The following TRAK1 variants were observed in gnomAD, a reference collection of about 807,000 sequenced individuals.
TRAK1 encodes the protein trafficking kinesin-binding protein 1.
Under a neutral mutation model 92.1 loss-of-function variants are expected in TRAK1, and 33 were observed. The observed-to-expected ratio is 0.36, with a 90% CI of 0.27 to 0.48. The LOEUF is 0.48. Ranked by LOEUF, TRAK1 falls within the 20% of genes least tolerant of loss-of-function variation. TRAK1 has a pLI of 0.99. For synonymous variants in TRAK1, 521 were observed against 517.3 expected, an observed-to-expected ratio of 1.01 and a Z score of -0.10; for missense variants, 1,123 against 1,257.9, an observed-to-expected ratio of 0.89 and a Z score of 1.62.
At chr3:42,180,148 CA>C (rs1703797320) in intron 3 of TRAK1, among the ~76,000 whole-genome samples, 1 of 152,068 alleles carries the variant, frequency 6.6e-6, no homozygotes, top group African/African-American at 2.4e-5. Flanking sequence ...CTTGTTGCCT[CA>C]GTAAAATTAA....
intron 1 of TRAK1, among the ~76,000 whole-genome samples, chr3:42,052,806 G>C (rs1343610522): frequency 6.6e-6 from 1 of 152,154 alleles, no homozygotes; most frequent in Non-Finnish European, 1.5e-5. Context: ...AGAGTCCCGT[G>C]ACACCACAGT....
intron 1 of TRAK1, among the ~76,000 whole-genome samples, chr3:42,068,645 C>G (rs1400343829): frequency 1.3e-5 from 2 of 152,134 alleles, no homozygotes; most frequent in Non-Finnish European, 2.9e-5. Flanking sequence ...TAATTCGTCT[C>G]TACTTGAAAT....
chr3:42,142,686 A>G (rs755392120), intron 2 of TRAK1, among the ~76,000 whole-genome samples: 1 of 152,240 alleles, frequency 6.6e-6, no homozygotes, highest in Admixed American at 6.5e-5. Flanking sequence ...GCTGCTTCCT[A>G]AAATGGATTA....
At chr3:42,078,535 T>C (rs1286255491) in intron 1 of TRAK1, among the ~76,000 whole-genome samples, 6 of 151,798 alleles carry the variant, frequency 4.0e-5, no homozygotes, top group Admixed American at 3.9e-4. Flanking sequence ...AGGCGGATCA[T>C]GAGGTCAGGA....
intron 13 of TRAK1, chr3:42,203,163 G>A: frequency 1.7e-6 from 2 of 1,191,892 alleles, no homozygotes; most frequent in Non-Finnish European, 2.1e-6. Context: ...CAGTTTTGGT[G>A]TCGGGGAGAG....
rs1180507036 is a variant in TRAK1, at chr3:42,202,826, G to A, written c.1744+74G>A. 6.3e-7 allele frequency: 1 copy of A among 1,588,556 alleles called. No homozygotes were observed. The highest frequency in any genetic ancestry group is 8.6e-7 in the Non-Finnish European group (1 of 1,164,042). ...TTTGGTCCCTGATCCACCTGCGGAAGGCGGGGCACCTCTGTCACGCCTACT... is the reference window on the plus strand; with the variant it reads ...TTTGGTCCCTGATCCACCTGCGGAAAGCGGGGCACCTCTGTCACGCCTACT... On this transcript the variant is annotated intron_variant, in intron 13 of 15. Coordinates refer to ENST00000327628, the MANE Select transcript of TRAK1 (RefSeq NM_001042646.3). This position sits in a 1 kb window ranked among gnomAD's most constrained non-coding sequence, Gnocchi z 6.1.
chr3:42,081,465 C>T (rs750244480), intron 1 of TRAK1, among the ~76,000 whole-genome samples: 1 of 152,036 alleles, frequency 6.6e-6, no homozygotes, highest in Non-Finnish European at 1.5e-5. Flanking sequence ...ATTTATTCTA[C>T]AGACATTTAC....
chr3:42,101,442 T>C (rs1220302047), intron 1 of TRAK1, among the ~76,000 whole-genome samples: 2 of 152,214 alleles, frequency 1.3e-5, no homozygotes, highest in Admixed American at 1.3e-4. Flanking sequence ...CCGAGGTACA[T>C]TAGTTGCTTT....
chr3:42,090,200 GAGA>G (rs1225618605), upstream of TRAK1, among the ~76,000 whole-genome samples: 1 of 152,232 alleles, frequency 6.6e-6, no homozygotes, highest in African/African-American at 2.4e-5. Flanking sequence ...GAAAGGACAG[GAGA>G]AGACCACGAG....
At chr3:42,102,543 G>A (rs1486720284) in intron 1 of TRAK1, among the ~76,000 whole-genome samples, 1 of 152,208 alleles carries the variant, frequency 6.6e-6, no homozygotes, top group African/African-American at 2.4e-5. Context: ...CCAGGGAGAA[G>A]TAGGCACACG....
intron 2 of TRAK1, among the ~76,000 whole-genome samples, chr3:42,132,244 G>GT (rs113813133): frequency 0.011 from 1,526 of 138,492 alleles, 28 homozygotes; most frequent in African/African-American, 0.035. Context: ...TATGTTTTTT[G>GT]TTTTTTTTTT....
intron 2 of TRAK1, among the ~76,000 whole-genome samples, chr3:42,162,920 TA>T (rs1701431563): frequency 6.6e-6 from 1 of 152,174 alleles, no homozygotes; most frequent in African/African-American, 2.4e-5. Flanking sequence ...TAAACTTTTT[TA>T]AAAAACCAAG....
At chr3:42,184,080 A>G (rs1704439676) in intron 3 of TRAK1, among the ~76,000 whole-genome samples, 1 of 151,454 alleles carries the variant, frequency 6.6e-6, no homozygotes, top group Non-Finnish European at 1.5e-5. Context: ...AATGAAACCT[A>G]AGTAGCCTTT....
chr3:42,105,082 G>A (rs1222712733), intron 1 of TRAK1, among the ~76,000 whole-genome samples: 1 of 151,560 alleles, frequency 6.6e-6, no homozygotes, highest in African/African-American at 2.4e-5. Flanking sequence ...CTCCCAAGTA[G>A]CTGGGATTAC....
Position 42,193,863 on chromosome 3 carries a change from G to A in TRAK1, c.940G>A (p.Ala314Thr), listed in dbSNP as rs777658229. Residue 314 changes from alanine to threonine, a missense_variant, in exon 9 of 16, where the codon GCT (alanine) becomes ACT (threonine). Ala to Thr is a moderately conservative substitution (Grantham distance 58). This residue lies in a region of TRAK1 where 686 missense variants were observed against 747.6 expected (regional missense o/e 0.92). Coordinates refer to ENST00000327628, the MANE Select transcript of TRAK1 (RefSeq NM_001042646.3). ...TGAAGAACTTGTCCAGCATCTGGGG[G>A]CTGCTAAGGATGCCCAGCGGCAGCT... Reference protein sequence around the residue: ...ENEELVQHLGAAKDAQRQLTA... With the variant: ...ENEELVQHLGTAKDAQRQLTA... 6.2e-7 allele frequency: 1 copy of A among 1,614,188 alleles called. No homozygotes were observed. Among genetic ancestry groups the A allele is most frequent in the Middle Eastern group, 1.6e-4 (1 of 6,062 alleles).
At chr3:42,157,354 G>C (rs1700654790) in intron 2 of TRAK1, among the ~76,000 whole-genome samples, 1 of 147,718 alleles carries the variant, frequency 6.8e-6, no homozygotes, top group Admixed American at 6.9e-5. Context: ...AACTACTTAG[G>C]AGGCTGAGGC....
At chr3:42,128,627 A>AATG (rs1216945872) in intron 2 of TRAK1, among the ~76,000 whole-genome samples, 2 of 152,362 alleles carry the variant, frequency 1.3e-5, no homozygotes, top group East Asian at 3.9e-4. Flanking sequence ...TTCTAACTGA[A>AATG]ATGCAGCATT....
chr3:42,186,972 T>G (rs546089867), intron 4 of TRAK1, among the ~76,000 whole-genome samples: 1 of 152,316 alleles, frequency 6.6e-6, no homozygotes, highest in East Asian at 1.9e-4. Context: ...GTAACTGCAA[T>G]TCTTCTTATA....
At chr3:42,039,885 G>A (rs1383024865) in intron 1 of TRAK1, among the ~76,000 whole-genome samples, 2 of 152,128 alleles carry the variant, frequency 1.3e-5, no homozygotes, top group African/African-American at 2.4e-5. Flanking sequence ...GCCAAAATTT[G>A]TTACTGTTCA....
Sources: allele counts gnomAD v4.1 joint callset (sites outside exome capture counted in the v4.1 genomes callset), GRCh38; gene constraint gnomAD v4.1.1; regional missense constraint gnomAD v4.1.1; non-coding constraint Gnocchi (gnomAD v3.1); transcripts MANE v1.5; gene names NCBI Gene and HGNC (gene_info 2026-07-23, HGNC 2026-07-21).